Variants in CFAP61 observed in about 807,000 individuals in gnomAD.
CFAP61 encodes cilia- and flagella-associated protein 61.
CFAP61 carries 107 observed loss-of-function variants against 135.6 expected under a neutral mutation model. The ratio of observed to expected loss-of-function variants is 0.79; its 90% CI spans 0.67 to 0.93. The LOEUF is 0.93. Ranked by LOEUF, CFAP61 falls within the 40% of genes least tolerant of loss-of-function variation. The pLI is 0.00. For synonymous variants in CFAP61, 575 were observed against 578.5 expected, an observed-to-expected ratio of 0.99 and a Z score of 0.09; for missense variants, 1,507 against 1,556.2, an observed-to-expected ratio of 0.97 and a Z score of 0.53.
rs186793223 is a variant in CFAP61 at position 20,269,231 on chromosome 20, A to G, written c.2503+6101A>G. ...TATATACACATATATACATATATGTATATATATACACGTATATGTGCATAT... is the reference window on the plus strand; with the variant it reads ...TATATACACATATATACATATATGTGTATATATACACGTATATGTGCATAT... On this transcript the variant is annotated intron_variant, in intron 21 of 26. Coordinates refer to ENST00000245957, the MANE Select transcript of CFAP61 (RefSeq NM_015585.4). Among the ~76,000 whole-genome samples the G allele has an allele frequency of 2.1e-4, 30 of 143,392 alleles. No individual in the cohort carries two copies. The East Asian group carries it at 2.5e-3, about 12-fold the overall frequency. The allele number at this position is 143,392 out of a possible 152,430, so 94.1% of individuals were successfully genotyped here.
chr20:20,076,206 A>C (rs1369173996), intron 6 of CFAP61, among the ~76,000 whole-genome samples: 1 of 152,132 alleles, frequency 6.6e-6, no homozygotes, highest in Non-Finnish European at 1.5e-5. Flanking sequence ...GTGGGTTGTG[A>C]CTGCTTTGAC....
At chr20:20,256,974 G>GT (rs1433784922) in intron 20 of CFAP61, among the ~76,000 whole-genome samples, 1 of 152,122 alleles carries the variant, frequency 6.6e-6, no homozygotes, top group African/African-American at 2.4e-5. Flanking sequence ...CAGGGGCTGG[G>GT]TGATCAAATT....
chr20:20,293,937 C>CA (rs1381518031), intron 24 of CFAP61, among the ~76,000 whole-genome samples: 206 of 152,218 alleles, frequency 1.4e-3, no homozygotes, highest in African/African-American at 4.7e-3. Context: ...TTCCATTTGG[C>CA]ATGAATTCCA....
At chr20:20,241,657 A>T (rs549051638) in intron 18 of CFAP61, among the ~76,000 whole-genome samples, 3 of 152,330 alleles carry the variant, frequency 2.0e-5, no homozygotes, top group South Asian at 4.1e-4. Context: ...GATAATTATT[A>T]AGCCTTCTAC....
intron 2 of CFAP61, among the ~76,000 whole-genome samples, chr20:20,070,568 A>G (rs1348702401): frequency 1.3e-5 from 2 of 152,208 alleles, no homozygotes; most frequent in South Asian, 2.1e-4. Flanking sequence ...GTGTAGTCAA[A>G]TATCTTCCTA....
At chr20:20,326,018 A>G (rs749273689) in intron 25 of CFAP61, among the ~76,000 whole-genome samples, 7 of 152,210 alleles carry the variant, frequency 4.6e-5, no homozygotes, top group Non-Finnish European at 8.8e-5. Flanking sequence ...TAAGTTGTCC[A>G]TGCTGGTCTC....
At chr20:20,219,377 G>A (rs917491191) in intron 17 of CFAP61, among the ~76,000 whole-genome samples, 7 of 152,118 alleles carry the variant, frequency 4.6e-5, no homozygotes, top group African/African-American at 1.7e-4. Context: ...TGACTCTTTG[G>A]CATAGTAACT....
chr20:20,270,958 C>T (rs1420897303), intron 21 of CFAP61, among the ~76,000 whole-genome samples: 1 of 152,224 alleles, frequency 6.6e-6, no homozygotes, highest in Non-Finnish European at 1.5e-5. Flanking sequence ...AGGCGTGAGC[C>T]ACCGCACCCA....
intron 25 of CFAP61, among the ~76,000 whole-genome samples, chr20:20,337,922 C>T (rs11697421): frequency 0.78 from 118,465 of 152,116 alleles, 47,490 homozygotes; most frequent in Middle Eastern, 0.93. Flanking sequence ...ACTGAGCTGA[C>T]AGCTGCCACA....
intron 17 of CFAP61, among the ~76,000 whole-genome samples, chr20:20,217,068 A>T (rs1018320250): frequency 6.6e-6 from 1 of 152,206 alleles, no homozygotes; most frequent in Middle Eastern, 3.2e-3. Context: ...CAAGTCCTTC[A>T]CTTGAACCAA....
At chr20:20,090,772 A>G (rs1243610373) in intron 6 of CFAP61, 72 bp from the exon 7 acceptor site, 2 of 1,519,770 alleles carry the variant, frequency 1.3e-6, no homozygotes, top group African/African-American at 2.7e-5. Context: ...AGGGTCTGGC[A>G]CACAGTTGGT....
At chr20:20,117,675 G>A (rs1045295899) in intron 8 of CFAP61, among the ~76,000 whole-genome samples, 12 of 152,092 alleles carry the variant, frequency 7.9e-5, no homozygotes, top group Middle Eastern at 3.4e-3. Flanking sequence ...AATTGCTTTG[G>A]GTATTACTGT....
chr20:20,132,665 T>C (rs551703318), intron 8 of CFAP61, among the ~76,000 whole-genome samples: 3 of 152,256 alleles, frequency 2.0e-5, no homozygotes, highest in Non-Finnish European at 4.4e-5. Context: ...ATTTTTTTCA[T>C]TATAGATTTT....
chr20:20,137,965 A>G (rs1455152809), intron 8 of CFAP61, among the ~76,000 whole-genome samples: 5 of 152,094 alleles, frequency 3.3e-5, no homozygotes, highest in Non-Finnish European at 7.3e-5. Context: ...TAGTCACCAC[A>G]TGATGAATCC....
At chr20:20,153,111 A>C in intron 9 of CFAP61, among the ~76,000 whole-genome samples, 1 of 152,174 alleles carries the variant, frequency 6.6e-6, no homozygotes, top group East Asian at 1.9e-4. Flanking sequence ...AATAATCTGA[A>C]CTTGAATGAT....
At chr20:20,112,989 C>T (rs2048901770) in intron 8 of CFAP61, among the ~76,000 whole-genome samples, 1 of 152,198 alleles carries the variant, frequency 6.6e-6, no homozygotes, top group South Asian at 2.1e-4. Flanking sequence ...GTCCTCTTGT[C>T]TTTAATTTCT....
chr20:20,100,808 A>G (rs182796434), intron 8 of CFAP61, among the ~76,000 whole-genome samples: 1 of 152,336 alleles, frequency 6.6e-6, no homozygotes, highest in East Asian at 1.9e-4. Flanking sequence ...TTAAAAACAT[A>G]CGTAAGCTAG....
At chr20:20,166,252 C>T (rs2053821312) in intron 11 of CFAP61, 145 bp from the exon 12 acceptor site, 2 of 642,682 alleles carry the variant, frequency 3.1e-6, no homozygotes, top group Admixed American at 2.7e-5. Flanking sequence ...ACTTATGCAC[C>T]CCATTAGTGT....
At chr20:20,067,055 A>T (rs2146556576) in intron 2 of CFAP61, among the ~76,000 whole-genome samples, 1 of 152,276 alleles carries the variant, frequency 6.6e-6, no homozygotes, top group African/African-American at 2.4e-5. Flanking sequence ...ATTATACCAC[A>T]TTAAAATATT....
Sources: allele counts gnomAD v4.1 joint callset (sites outside exome capture counted in the v4.1 genomes callset), GRCh38; gene constraint gnomAD v4.1.1; transcripts MANE v1.5; gene names NCBI Gene and HGNC (gene_info 2026-07-23, HGNC 2026-07-21).